Variants in HTR2C observed in about 807,000 individuals in gnomAD.
HTR2C encodes the protein 5-hydroxytryptamine receptor 2C.
HTR2C carries 5 observed loss-of-function variants against 21.0 expected under a neutral mutation model. That is an observed-to-expected ratio of 0.24 (90% confidence interval 0.12 to 0.50). The LOEUF (loss-of-function observed/expected upper bound fraction) is 0.50. Ranked by LOEUF, HTR2C falls within the 20% of genes least tolerant of loss-of-function variation. The pLI is 0.98. For synonymous variants in HTR2C, 150 were observed against 145.3 expected, an observed-to-expected ratio of 1.03 and a Z score of -0.23; for missense variants, 271 against 371.2, an observed-to-expected ratio of 0.73 and a Z score of 2.22.
chrX:114,786,129 G>C (rs1268173683), intron 4 of HTR2C, among the ~76,000 whole-genome samples: 1 of 112,249 alleles, frequency 8.9e-6, no homozygotes, highest in Admixed American at 9.4e-5. Context: ...TTAAATGCCA[G>C]TTAGTAGTCA....
chrX:114,712,772 C>A (rs1602708637), intron 2 of HTR2C, among the ~76,000 whole-genome samples: 1 of 111,287 alleles, frequency 9.0e-6, no homozygotes, highest in East Asian at 2.8e-4. Flanking sequence ...TGTGGTTTAC[C>A]CAAAGACCAT....
At chrX:114,818,605 C>G (rs1032071268) in intron 4 of HTR2C, among the ~76,000 whole-genome samples, 3 of 111,835 alleles carry the variant, frequency 2.7e-5, no homozygotes, top group East Asian at 5.7e-4. Context: ...AATACATCCA[C>G]CACATCTCAG....
chrX:114,833,500 A>G (rs4526545), intron 4 of HTR2C, among the ~76,000 whole-genome samples: 4,925 of 111,285 alleles, frequency 0.044, 105 homozygotes, highest in Non-Finnish European at 0.068. Flanking sequence ...AGGTGTTTGT[A>G]GTATTCTCTG....
At chrX:114,643,994 T>C (rs1295197560) in intron 2 of HTR2C, among the ~76,000 whole-genome samples, 3 of 110,342 alleles carry the variant, frequency 2.7e-5, no homozygotes, top group Non-Finnish European at 3.8e-5. Context: ...TGTTCAAAGA[T>C]TGATGTAGCT....
intron 2 of HTR2C, among the ~76,000 whole-genome samples, chrX:114,657,217 C>T (rs1285867658): frequency 9.0e-6 from 1 of 110,789 alleles, no homozygotes; most frequent in Non-Finnish European, 1.9e-5. Context: ...AACCCGATTG[C>T]TCTTTCTTTC....
chrX:114,874,751 C>T (rs1379279155), intron 5 of HTR2C, among the ~76,000 whole-genome samples: 1 of 111,230 alleles, frequency 9.0e-6, no homozygotes, highest in Non-Finnish European at 1.9e-5. Context: ...TCAGGTGATT[C>T]GCCCACCTCG....
chrX:114,743,550 G>A (rs1556425637), intron 4 of HTR2C, among the ~76,000 whole-genome samples: 4 of 111,628 alleles, frequency 3.6e-5, no homozygotes, highest in African/African-American at 6.5e-5. Flanking sequence ...AAGATGAATC[G>A]ATAGAAATTA....
chrX:114,622,461 C>G (rs1344697325), intron 2 of HTR2C, among the ~76,000 whole-genome samples: 4 of 111,589 alleles, frequency 3.6e-5, no homozygotes, highest in African/African-American at 1.3e-4. Context: ...TTTGGAAACT[C>G]TCTTCTCCCA....
At chrX:114,788,224 G>A (rs1213338019) in intron 4 of HTR2C, among the ~76,000 whole-genome samples, 1 of 110,735 alleles carries the variant, frequency 9.0e-6, no homozygotes, top group African/African-American at 3.3e-5. Flanking sequence ...TTCTAATAAC[G>A]TTTTTACCCT....
chrX:114,882,133 A>G (rs782232424), intron 5 of HTR2C, among the ~76,000 whole-genome samples: 42 of 110,238 alleles, frequency 3.8e-4, no homozygotes, highest in Admixed American at 9.7e-5. Context: ...TACTTTATTA[A>G]TTTAATTTTT....
chrX:114,861,153 C>A (rs1251613236), intron 5 of HTR2C, among the ~76,000 whole-genome samples: 1 of 111,303 alleles, frequency 9.0e-6, no homozygotes, highest in Non-Finnish European at 1.9e-5. Context: ...GTTCAGCCTA[C>A]ATATCTACTA....
intron 5 of HTR2C, among the ~76,000 whole-genome samples, chrX:114,855,462 T>C (rs1315058120): frequency 1.8e-5 from 2 of 111,023 alleles, no homozygotes; most frequent in Non-Finnish European, 3.8e-5. Context: ...TCTTAAGATA[T>C]TGGGAAAGTT....
intron 4 of HTR2C, among the ~76,000 whole-genome samples, chrX:114,782,566 A>G (rs1556440890): frequency 9.0e-6 from 1 of 110,600 alleles, no homozygotes; most frequent in African/African-American, 3.3e-5. Flanking sequence ...AAAAATTAAA[A>G]GATTAGCTGG....
At chrX:114,625,291 T>C (rs984870322) in intron 2 of HTR2C, among the ~76,000 whole-genome samples, 2 of 110,895 alleles carry the variant, frequency 1.8e-5, no homozygotes, top group East Asian at 5.8e-4. Flanking sequence ...TGTTTGACCC[T>C]CCAAATCTCA....
rs1556448599 is a variant in HTR2C at position 114,805,660 on chromosome X, CCATATATATACACCATATATAT to C, written c.350-42342_350-42321del. On this transcript the variant is annotated intron_variant, in intron 4 of 5. Coordinates refer to ENST00000276198, the MANE Select transcript of HTR2C (RefSeq NM_000868.4). ...ACCATATATATACACCATATATATA[CCATATATATACACCATATATAT>C]ACCATATATATACACCATATATATA... Among the ~76,000 whole-genome samples the C allele has an allele frequency of 3.2e-3, 41 of 13,012 alleles. 12 individuals are homozygous for C. Among genetic ancestry groups the C allele is most frequent in the African/African-American group, 8.5e-3 (41 of 4,821 alleles). The allele number at this position is 13,012 out of a possible 115,157, so 11.3% of individuals were successfully genotyped here. A position where few individuals can be genotyped will look rare whatever the true frequency, so the allele number is the denominator to read the frequency against.
chrX:114,731,669 A>G (rs782563635), intron 4 of HTR2C, 62 bp downstream of exon 4: 13 of 840,664 alleles, frequency 1.5e-5, no homozygotes, highest in African/African-American at 1.2e-4. Flanking sequence ...GTCATAGTAA[A>G]CACTCATAAA....
Position 114,907,750 on chromosome X carries a change from C to T in HTR2C, c.*335C>T, listed in dbSNP as rs2071386868. The T allele has an allele frequency of 5.6e-6, 1 of 177,818 alleles. No individual in the cohort carries two copies. Among genetic ancestry groups the T allele is most frequent in the African/African-American group, 3.0e-5 (1 of 32,800 alleles). 14.7% of individuals were successfully genotyped at this position (177,818 alleles called of 1,213,427 possible). On this transcript the variant is annotated 3_prime_UTR_variant, in exon 6 of 6. Coordinates refer to ENST00000276198, the MANE Select transcript of HTR2C (RefSeq NM_000868.4). ...TGCATATGGCAACGTTCATGTTCAT[C>T]TCAGGTGGCATTTGCAGGTGACCAG...
rs1379337761 is a variant in HTR2C, at chrX:114,907,638, G to T, written c.*223G>T. The stretch of plus-strand genomic sequence containing the variant: ...AGGTGGAGACTAACTTATTTTGATT[G>T]TTTGATGAATAAAATGTTTATTTTT... On this transcript the variant is annotated 3_prime_UTR_variant, in exon 6 of 6. Transcript: ENST00000276198. 1.7e-5 allele frequency: 5 copies of T among 300,046 alleles called. No individual in the cohort carries two copies. The highest frequency in any genetic ancestry group is 1.6e-4 in the South Asian group (1 of 6,170). 24.7% of individuals were successfully genotyped at this position (300,046 alleles called of 1,213,427 possible).
intron 2 of HTR2C, among the ~76,000 whole-genome samples, chrX:114,631,391 A>G (rs1929622625): frequency 8.9e-6 from 1 of 111,927 alleles, no homozygotes; most frequent in African/African-American, 3.2e-5. Flanking sequence ...ACATTATCAT[A>G]ATCATTACTA....
Sources: gnomAD v4.1 joint callset for allele counts (sites outside exome capture counted in the v4.1 genomes callset) on GRCh38, gnomAD v4.1.1 for gene constraint, MANE v1.5 for transcripts, NCBI Gene and HGNC (gene_info 2026-07-23, HGNC 2026-07-21) for gene names.